ACTR3C: variants seen among roughly 807,000 people sequenced by gnomAD.
ACTR3C encodes the protein actin related protein 3C.
In ACTR3C, 18 loss-of-function variants were observed where a neutral mutation model predicts 26.3. The observed-to-expected ratio is 0.68, with a 90% CI of 0.47 to 1.01. ACTR3C has a LOEUF of 1.01. Ranked by LOEUF, ACTR3C falls within the 50% of genes least tolerant of loss-of-function variation. The pLI, the probability that ACTR3C is intolerant of heterozygous loss-of-function variation, is 0.00. For synonymous variants in ACTR3C, 55 were observed against 94.5 expected (o/e 0.58, Z 2.42); for missense variants, 184 against 250.7 (o/e 0.73, Z 1.80).
At chr7:150,111,616 A>C in the ACTR3C span, among the ~76,000 whole-genome samples, 1 of 96,912 alleles carries the variant, frequency 1.0e-5, no homozygotes. Flanking sequence ...ACACCCACCC[A>C]CCCACTCACA....
intron 1 of ACTR3C, among the ~76,000 whole-genome samples, chr7:150,306,896 TTATAC>T (rs1795847765): frequency 6.6e-6 from 1 of 152,228 alleles, no homozygotes; most frequent in African/African-American, 2.4e-5. Context: ...CAAGGGAGTA[TTATAC>T]TATAAGATAA....
the ACTR3C span, among the ~76,000 whole-genome samples, chr7:149,926,032 T>C: frequency 1.1e-4 from 17 of 151,982 alleles, no homozygotes; most frequent in East Asian, 1.9e-3. Flanking sequence ...CGCCGCACTC[T>C]AGCATGGGCA....
chr7:150,184,361 G>A, the ACTR3C span, among the ~76,000 whole-genome samples: 4 of 150,820 alleles, frequency 2.7e-5, no homozygotes, highest in African/African-American at 1.0e-4. Flanking sequence ...CGCACATGGC[G>A]TTAAAGAACC....
At chr7:150,059,682 T>G in the ACTR3C span, among the ~76,000 whole-genome samples, 1 of 152,198 alleles carries the variant, frequency 6.6e-6, no homozygotes, top group Non-Finnish European at 1.5e-5. Context: ...TTATCTGCAC[T>G]TTATATTTAG....
chr7:149,938,448 T>A, the ACTR3C span, among the ~76,000 whole-genome samples: 1,306 of 151,586 alleles, frequency 8.6e-3, 20 homozygotes, highest in African/African-American at 0.03. Context: ...AGATTTTTTT[T>A]AAAAAAGGAA....
the ACTR3C span, among the ~76,000 whole-genome samples, chr7:149,959,234 C>G: frequency 4.1e-5 from 6 of 148,016 alleles, no homozygotes; most frequent in East Asian, 2.0e-4. Flanking sequence ...CCCCCACCCC[C>G]ACAATCTCCT....
chr7:150,006,646 C>T, the ACTR3C span, among the ~76,000 whole-genome samples: 2 of 151,010 alleles, frequency 1.3e-5, no homozygotes, highest in African/African-American at 4.9e-5. Flanking sequence ...GTCCCTGGTG[C>T]CCTCAACAAC....
chr7:149,949,250 C>T, the ACTR3C span, among the ~76,000 whole-genome samples: 1 of 146,016 alleles, frequency 6.8e-6, no homozygotes, highest in Non-Finnish European at 1.5e-5. Context: ...GTGGTGGATG[C>T]CTGTAATCCC....
chr7:150,162,346 G>A, the ACTR3C span, among the ~76,000 whole-genome samples: 1 of 134,502 alleles, frequency 7.4e-6, no homozygotes, highest in African/African-American at 2.9e-5. Context: ...TTTTTTTTGA[G>A]ATGAAGTCTC....
At chr7:150,267,100 G>A (rs1834097956) in intron 6 of ACTR3C, among the ~76,000 whole-genome samples, 1 of 152,158 alleles carries the variant, frequency 6.6e-6, no homozygotes, top group South Asian at 2.1e-4. Flanking sequence ...CCACCAGCAG[G>A]GGACGGCTGA....
At chr7:150,036,769 G>A in the ACTR3C span, among the ~76,000 whole-genome samples, 17 of 138,272 alleles carry the variant, frequency 1.2e-4, 2 homozygotes, top group East Asian at 5.9e-4. Flanking sequence ...ATCTGCCGTC[G>A]GAAGATTTGA....
the ACTR3C span, among the ~76,000 whole-genome samples, chr7:149,939,604 G>A: frequency 6.6e-6 from 1 of 152,060 alleles, no homozygotes; most frequent in Admixed American, 6.6e-5. Context: ...ACCTGTGCTG[G>A]GCTCCTGGCT....
intron 6 of ACTR3C, among the ~76,000 whole-genome samples, chr7:150,268,251 A>G (rs1252820237): frequency 2.0e-5 from 3 of 148,490 alleles, no homozygotes; most frequent in Non-Finnish European, 4.4e-5. Flanking sequence ...TGAATCCCCC[A>G]TAGTTGCTAT....
the ACTR3C span, among the ~76,000 whole-genome samples, chr7:150,049,216 G>A: frequency 0.022 from 3,382 of 151,720 alleles, 79 homozygotes; most frequent in African/African-American, 0.078. Context: ...TTCCCCTCCC[G>A]GCCCTCCCGC....
the ACTR3C span, among the ~76,000 whole-genome samples, chr7:150,051,077 C>T: frequency 1.4e-5 from 2 of 141,400 alleles, no homozygotes; most frequent in East Asian, 2.3e-4. Context: ...GCATTCTAGC[C>T]TGGCGACAGA....
downstream of ACTR3C, chr7:150,244,796 AC>A (rs999062132): frequency 6.4e-6 from 1 of 156,730 alleles, no homozygotes; most frequent in African/African-American, 2.4e-5. Context: ...GGTGGTGGAA[AC>A]CATGCAGAAA....
chr7:150,206,576 G>A, the ACTR3C span, among the ~76,000 whole-genome samples: 2 of 151,712 alleles, frequency 1.3e-5, no homozygotes, highest in African/African-American at 4.9e-5. Context: ...ACCATGCCCA[G>A]ATAATTTTTT....
At chr7:150,059,863 A>T in the ACTR3C span, among the ~76,000 whole-genome samples, 3,188 of 152,256 alleles carry the variant, frequency 0.021, 46 homozygotes, top group African/African-American at 0.054. Flanking sequence ...TGCACAGGCC[A>T]TGTAGCACGC....
At chr7:150,033,126 G>A in the ACTR3C span, among the ~76,000 whole-genome samples, 3 of 152,146 alleles carry the variant, frequency 2.0e-5, no homozygotes, top group South Asian at 4.1e-4. Flanking sequence ...GTGGGACAGA[G>A]GTGTATGGGG....
Sources: allele counts gnomAD v4.1 joint callset (sites outside exome capture counted in the v4.1 genomes callset), GRCh38; gene constraint gnomAD v4.1.1; transcripts MANE v1.5; gene names NCBI Gene and HGNC (gene_info 2026-07-23, HGNC 2026-07-21).